NUBPL: variants seen among roughly 807,000 people sequenced by gnomAD.
NUBPL encodes the protein iron-sulfur cluster transfer protein NUBPL.
NUBPL carries 31 observed loss-of-function variants against 45.7 expected under a neutral mutation model. The observed-to-expected ratio is 0.68, with a 90% CI of 0.51 to 0.92. NUBPL has a LOEUF of 0.92. Ranked by LOEUF, NUBPL falls within the 40% of genes least tolerant of loss-of-function variation. The pLI, the probability that NUBPL is intolerant of heterozygous loss-of-function variation, is 0.00. For missense variants in NUBPL, 401 were observed against 398.7 expected (o/e 1.01, Z -0.05); for synonymous variants, 144 against 140.9 (o/e 1.02, Z -0.15).
At chr14:31,622,392 T>C (rs1282654789) in intron 4 of NUBPL, among the ~76,000 whole-genome samples, 1 of 152,150 alleles carries the variant, frequency 6.6e-6, no homozygotes, top group Non-Finnish European at 1.5e-5. Context: ...AAATTCAAGC[T>C]GGCTGCAGAA....
chr14:31,758,767 A>G (rs774673271), intron 6 of NUBPL, among the ~76,000 whole-genome samples: 9 of 152,206 alleles, frequency 5.9e-5, no homozygotes, highest in Non-Finnish European at 1.3e-4. Context: ...TTGTCATTCA[A>G]AATAACTACT....
At chr14:31,698,347 C>T (rs2037258416) in intron 6 of NUBPL, among the ~76,000 whole-genome samples, 1 of 150,832 alleles carries the variant, frequency 6.6e-6, no homozygotes, top group Non-Finnish European at 1.5e-5. Flanking sequence ...CTACGTCATT[C>T]ATTTTGGTCT....
chr14:31,849,527 C>T (rs2040505822), intron 9 of NUBPL, among the ~76,000 whole-genome samples: 2 of 152,240 alleles, frequency 1.3e-5, no homozygotes, highest in East Asian at 3.9e-4. Flanking sequence ...TTATCATATA[C>T]TTGCTGAGAT....
chr14:31,762,752 C>T (rs995974326), intron 6 of NUBPL, among the ~76,000 whole-genome samples: 1 of 151,828 alleles, frequency 6.6e-6, no homozygotes, highest in African/African-American at 2.4e-5. Flanking sequence ...TGTGGCATAG[C>T]CTTCCTTGAA....
At chr14:31,734,256 A>G (rs1220719056) in intron 6 of NUBPL, among the ~76,000 whole-genome samples, 3 of 152,214 alleles carry the variant, frequency 2.0e-5, no homozygotes, top group African/African-American at 4.8e-5. Flanking sequence ...ATTATCTGCC[A>G]TATAATAATG....
chr14:31,745,197 C>T (rs1229828884), intron 6 of NUBPL, among the ~76,000 whole-genome samples: 1 of 152,028 alleles, frequency 6.6e-6, no homozygotes, highest in Non-Finnish European at 1.5e-5. Flanking sequence ...GCTATCCCTC[C>T]CCGCTCTCCC....
chr14:31,616,790 T>C (rs190661471), intron 4 of NUBPL, among the ~76,000 whole-genome samples: 2 of 152,254 alleles, frequency 1.3e-5, no homozygotes, highest in African/African-American at 2.4e-5. Context: ...GTAAAGTAGG[T>C]TTTTTCTAAT....
At chr14:31,818,612 G>A (rs535597700) in intron 7 of NUBPL, among the ~76,000 whole-genome samples, 64 of 152,202 alleles carry the variant, frequency 4.2e-4, no homozygotes, top group African/African-American at 1.5e-3. Context: ...AGTTCACTGC[G>A]ATCTCGGCTT....
intron 4 of NUBPL, 52 bp downstream of exon 4, chr14:31,599,431 C>T (rs773455069): frequency 7.3e-6 from 9 of 1,233,020 alleles, no homozygotes; most frequent in Middle Eastern, 4.8e-4. Context: ...TTTATTAATA[C>T]TTACTGGGTG....
chr14:31,655,595 C>G (rs1663623452), intron 4 of NUBPL, among the ~76,000 whole-genome samples: 1 of 152,158 alleles, frequency 6.6e-6, no homozygotes, highest in South Asian at 2.1e-4. Context: ...CATCTGTAGT[C>G]TCAGCTACTT....
chr14:31,849,600 A>G (rs938072141), intron 9 of NUBPL, among the ~76,000 whole-genome samples: 4 of 152,214 alleles, frequency 2.6e-5, no homozygotes, highest in African/African-American at 4.8e-5. Context: ...GAGAAAAATA[A>G]TTCTGTCTGA....
intron 6 of NUBPL, among the ~76,000 whole-genome samples, chr14:31,738,546 A>G (rs1021719582): frequency 2.0e-5 from 3 of 152,164 alleles, no homozygotes; most frequent in South Asian, 2.1e-4. Flanking sequence ...TAAATTTTTT[A>G]TACCAAAAGA....
chr14:31,697,834 C>G (rs1222870339), intron 6 of NUBPL, among the ~76,000 whole-genome samples: 1 of 152,050 alleles, frequency 6.6e-6, no homozygotes. Context: ...ACTTGCTGAG[C>G]CTTTAGGAGA....
intron 8 of NUBPL, among the ~76,000 whole-genome samples, chr14:31,841,936 T>TTTGAGACGGGGTC (rs2040381066): frequency 7.9e-6 from 1 of 127,050 alleles, no homozygotes; most frequent in South Asian, 2.8e-4. Context: ...TTTTTTTTTT[T>TTTGAGACGGGGTC]TTTTTTTTTT....
rs532742090 is a variant in NUBPL at position 31,665,667 on chromosome 14, G to C, written c.383-7688G>C. Reference sequence around the variant, plus strand: ...ACTGCCAATTATGTGGTCAGTTTTAGAATAAGTGTGATGTGGTGCTAAGAA... The same window carrying C: ...ACTGCCAATTATGTGGTCAGTTTTACAATAAGTGTGATGTGGTGCTAAGAA... On this transcript the variant is annotated intron_variant, in intron 4 of 10. Coordinates refer to ENST00000281081, the MANE Select transcript of NUBPL (RefSeq NM_025152.3). Among the ~76,000 whole-genome samples, 20 of 152,298 alleles carry C rather than the reference G, an allele frequency of 1.3e-4. No homozygotes were observed. In the South Asian group the frequency reaches 2.5e-3, roughly 19 times the overall value.
intron 4 of NUBPL, among the ~76,000 whole-genome samples, chr14:31,654,792 G>A (rs1466399696): frequency 6.6e-6 from 1 of 152,166 alleles, no homozygotes; most frequent in Non-Finnish European, 1.5e-5. Context: ...TCTATAGCAT[G>A]TAATGCTGTT....
intron 3 of NUBPL, among the ~76,000 whole-genome samples, chr14:31,597,642 C>G (rs1241076221): frequency 6.6e-6 from 1 of 151,944 alleles, no homozygotes; most frequent in East Asian, 1.9e-4. Flanking sequence ...AGGACCTAAC[C>G]CCCTTCATGT....
chr14:31,713,603 G>A (rs777414082), intron 6 of NUBPL, among the ~76,000 whole-genome samples: 1 of 152,138 alleles, frequency 6.6e-6, no homozygotes, highest in Middle Eastern at 3.2e-3. Context: ...CTTTTAAGTG[G>A]CATGTGGATG....
intron 6 of NUBPL, among the ~76,000 whole-genome samples, chr14:31,673,971 G>A (rs371871367): frequency 6.6e-5 from 10 of 152,198 alleles, no homozygotes; most frequent in African/African-American, 2.4e-4. Flanking sequence ...ATAAACCAAT[G>A]TACTTGTGAT....
Sources: gnomAD v4.1 joint callset for allele counts (sites outside exome capture counted in the v4.1 genomes callset) on GRCh38, gnomAD v4.1.1 for gene constraint, MANE v1.5 for transcripts, NCBI Gene and HGNC (gene_info 2026-07-23, HGNC 2026-07-21) for gene names.